The following CCDC171 variants were observed in gnomAD, a reference collection of about 807,000 sequenced individuals.
CCDC171 encodes the protein coiled-coil domain-containing protein 171.
Under a neutral mutation model 168.2 loss-of-function variants are expected in CCDC171, and 177 were observed. The observed-to-expected ratio is 1.05, with a 90% CI of 0.93 to 1.19. The LOEUF is 1.19. CCDC171 is among the 50% of genes most tolerant of loss of function. CCDC171 has a pLI of 0.00. For synonymous variants in CCDC171, 687 were observed against 540.8 expected (o/e 1.27, Z -3.75); for missense variants, 1,991 against 1,539.0 (o/e 1.29, Z -4.91).
chr9:15,774,992 T>C (rs1331937618), intron 18 of CCDC171, among the ~76,000 whole-genome samples: 1 of 152,120 alleles, frequency 6.6e-6, no homozygotes, highest in Non-Finnish European at 1.5e-5. Flanking sequence ...AGACTACACA[T>C]TGGGTGCAGT....
chr9:15,955,271 C>G (rs543606227), intron 25 of CCDC171, among the ~76,000 whole-genome samples: 1 of 152,160 alleles, frequency 6.6e-6, no homozygotes, highest in South Asian at 2.1e-4. Context: ...TGTCTGGTCC[C>G]AAAGGGGGGA....
In CCDC171 at chr9:15,821,442, C is replaced by T. The variant is rs548747895; in HGVS notation, c.3268-25260C>T. Among the ~76,000 whole-genome samples the T allele has an allele frequency of 1.6e-4, 19 of 117,264 alleles. 3 individuals carry two copies. The highest frequency in any genetic ancestry group is 5.4e-4 in the African/African-American group (17 of 31,236). The allele number at this position is 117,264 out of a possible 152,430, so 76.9% of individuals were successfully genotyped here. On this transcript the variant is annotated intron_variant, in intron 21 of 25. Transcript: ENST00000380701. Reference sequence around the variant, plus strand: ...TGATTGTATATCTAGAAAACCCCATCGTCTCAGCCCAAAATCTCCTTGAGC... The same window carrying T: ...TGATTGTATATCTAGAAAACCCCATTGTCTCAGCCCAAAATCTCCTTGAGC...
chr9:16,018,342 T>A (rs1482590904), intron 3 of CCDC171, among the ~76,000 whole-genome samples: 1 of 152,228 alleles, frequency 6.6e-6, no homozygotes, highest in African/African-American at 2.4e-5. Context: ...TGATTCCATA[T>A]ACTCCCACAT....
rs373862212 is a variant in CCDC171, at chr9:15,633,243, C to G, written c.822+9830C>G. On this transcript the variant is annotated intron_variant, in intron 7 of 25. Coordinates refer to ENST00000380701, the MANE Select transcript of CCDC171 (RefSeq NM_173550.4). Reference sequence around the variant, plus strand: ...CGTCAGAGTGAACAGGCAACCTACACAATGGGAGAAAAGTTTTGCAACCTA... The same window carrying G: ...CGTCAGAGTGAACAGGCAACCTACAGAATGGGAGAAAAGTTTTGCAACCTA... Among the ~76,000 whole-genome samples, 10 of 152,086 alleles carry G rather than the reference C, an allele frequency of 6.6e-5. No individual in the cohort carries two copies. In the East Asian group the frequency reaches 1.9e-3, roughly 29 times the overall value.
the CCDC171 span, among the ~76,000 whole-genome samples, chr9:16,090,973 C>A: frequency 6.6e-6 from 1 of 152,314 alleles, no homozygotes; most frequent in East Asian, 1.9e-4. Context: ...CCTCTTTCTT[C>A]ATTTTCTTGT....
chr9:15,915,677 C>T (rs1261975325), intron 24 of CCDC171, among the ~76,000 whole-genome samples: 7 of 152,080 alleles, frequency 4.6e-5, no homozygotes, highest in East Asian at 1.9e-4. Context: ...AAAAAGTGGA[C>T]GTCCTTTTCT....
At chr9:16,013,751 G>C (rs971381449) in intron 3 of CCDC171, among the ~76,000 whole-genome samples, 2 of 152,200 alleles carry the variant, frequency 1.3e-5, no homozygotes, top group Admixed American at 6.5e-5. Context: ...GCATATAAAA[G>C]CTATGTTTAC....
intron 18 of CCDC171, among the ~76,000 whole-genome samples, chr9:15,760,235 A>G (rs988777785): frequency 1.3e-5 from 2 of 152,194 alleles, no homozygotes; most frequent in South Asian, 2.1e-4. Context: ...ACTGTGGTGC[A>G]TGTATGCCAG....
intron 3 of CCDC171, among the ~76,000 whole-genome samples, chr9:16,012,912 A>G (rs545686012): frequency 3.3e-5 from 5 of 152,216 alleles, no homozygotes; most frequent in African/African-American, 1.2e-4. Context: ...TAAATGCTTA[A>G]ACGTATAGGT....
chr9:15,981,141 G>C (rs1831783184), intron 3 of CCDC171, among the ~76,000 whole-genome samples: 3 of 152,076 alleles, frequency 2.0e-5, no homozygotes, highest in Admixed American at 6.6e-5. Context: ...AATTCAAGAT[G>C]AGATATGGCT....
intron 21 of CCDC171, among the ~76,000 whole-genome samples, chr9:15,802,375 C>A (rs1456455824): frequency 1.3e-5 from 2 of 151,758 alleles, no homozygotes; most frequent in Non-Finnish European, 2.9e-5. Flanking sequence ...AGCCCTGCAT[C>A]CATTAGCTAT....
At chr9:15,942,218 A>C (rs916667680) in intron 25 of CCDC171, among the ~76,000 whole-genome samples, 1 of 151,988 alleles carries the variant, frequency 6.6e-6, no homozygotes, top group African/African-American at 2.4e-5. Context: ...TACGATACCT[A>C]ATACTGGTAG....
rs192163662 is a variant in CCDC171, at chr9:16,044,635, G to T, written n.89+1749G>T. On this transcript the variant is annotated intron_variant and non_coding_transcript_variant, in intron 1 of 1. Coordinates refer to the CCDC171 transcript ENST00000478913. ...GATGTAATCCCCTGGCCGTGACACAGGCAAAAATTTCCCTTCACATTGGAG... is the reference window on the plus strand; with the variant it reads ...GATGTAATCCCCTGGCCGTGACACATGCAAAAATTTCCCTTCACATTGGAG... Among the ~76,000 whole-genome samples, 350 of 151,832 alleles carry T rather than the reference G, an allele frequency of 2.3e-3. 2 individuals carry two copies. Among genetic ancestry groups the T allele is most frequent in the African/African-American group, 7.9e-3 (327 of 41,378 alleles).
chr9:15,827,866 T>G (rs1287969414), intron 21 of CCDC171, among the ~76,000 whole-genome samples: 1 of 152,148 alleles, frequency 6.6e-6, no homozygotes, highest in Non-Finnish European at 1.5e-5. Context: ...GCAACTCATG[T>G]TAGAATTCTC....
chr9:16,012,301 G>A (rs998695438), intron 3 of CCDC171, among the ~76,000 whole-genome samples: 2 of 152,168 alleles, frequency 1.3e-5, no homozygotes, highest in African/African-American at 2.4e-5. Flanking sequence ...TGGAAGTTGT[G>A]TAGGGATCTA....
At chr9:15,625,390 C>A (rs1291582105) in intron 7 of CCDC171, among the ~76,000 whole-genome samples, 1 of 152,124 alleles carries the variant, frequency 6.6e-6, no homozygotes, top group Non-Finnish European at 1.5e-5. Flanking sequence ...AAGTCCTTCC[C>A]CATGCCTATG....
At chr9:15,897,519 A>G (rs1821070380) in intron 24 of CCDC171, among the ~76,000 whole-genome samples, 1 of 152,124 alleles carries the variant, frequency 6.6e-6, no homozygotes. Flanking sequence ...TTCCCAAGAA[A>G]ATATCATTTG....
Position 16,021,805 on chromosome 9 carries a change from T to A in CCDC171, n.575-527T>A, listed in dbSNP as rs192751030. On this transcript the variant is annotated intron_variant and non_coding_transcript_variant, in intron 4 of 9. Coordinates refer to the CCDC171 transcript ENST00000486641. ...TTGCGATGTCCCCCTATCTCTGTAC[T>A]ATGTGGCTAGCTATGTTCTAGATGG... 1.2e-3 allele frequency among the ~76,000 whole-genome samples: 181 copies of A among 152,340 alleles called. 1 individual carries two copies. Among genetic ancestry groups the A allele is most frequent in the Admixed American group, 8.1e-3 (124 of 15,308 alleles).
chr9:15,610,477 A>C (rs1033809808), intron 6 of CCDC171, among the ~76,000 whole-genome samples: 10 of 143,374 alleles, frequency 7.0e-5, no homozygotes, highest in African/African-American at 7.9e-5. Flanking sequence ...AAAAAAAAAA[A>C]AAAACTGGGC....
Sources: gnomAD v4.1 joint callset for allele counts (sites outside exome capture counted in the v4.1 genomes callset) on GRCh38, gnomAD v4.1.1 for gene constraint, MANE v1.5 for transcripts, NCBI Gene and HGNC (gene_info 2026-07-23, HGNC 2026-07-21) for gene names.